NCAPG2: variants seen among roughly 807,000 people sequenced by gnomAD.
NCAPG2 encodes non-SMC condensin II complex subunit G2.
NCAPG2 carries 53 observed loss-of-function variants against 141.1 expected under a neutral mutation model. The ratio of observed to expected loss-of-function variants is 0.38; its 90% CI spans 0.30 to 0.47. The LOEUF is 0.47. NCAPG2 is among the 20% of genes least tolerant of loss of function. NCAPG2 has a pLI of 0.99. For synonymous variants in NCAPG2, 499 were observed against 490.7 expected (o/e 1.02, Z -0.22); for missense variants, 1,087 against 1,389.0 (o/e 0.78, Z 3.46).
At chr7:158,638,981 C>T (rs1018591496) in intron 27 of NCAPG2, among the ~76,000 whole-genome samples, 5 of 152,110 alleles carry the variant, frequency 3.3e-5, no homozygotes, top group African/African-American at 9.7e-5. Context: ...AGTATAAAAC[C>T]ACACACACTT....
chr7:158,658,224 G>T, intron 17 of NCAPG2, 114 bp downstream of exon 17: 1 of 887,974 alleles, frequency 1.1e-6, no homozygotes, highest in Non-Finnish European at 1.6e-6. Flanking sequence ...AGAAGGAAGA[G>T]GCCACAGTGA....
chr7:158,654,921 T>G, intron 21 of NCAPG2, 197 bp downstream of exon 21: 1 of 1,109,818 alleles, frequency 9.0e-7, no homozygotes, highest in Non-Finnish European at 1.2e-6. Flanking sequence ...ACCTCTTATA[T>G]GTAATGTATA....
At chr7:158,695,028 G>A (rs1010096772) in intron 2 of NCAPG2, among the ~76,000 whole-genome samples, 6 of 152,020 alleles carry the variant, frequency 3.9e-5, no homozygotes, top group Non-Finnish European at 5.9e-5. Flanking sequence ...AATTCTTTAC[G>A]CCTCAATTAT....
At position 158,680,089 on chromosome 7, in the gene NCAPG2, T is replaced by C. The variant is rs765122196; in HGVS notation, c.1021-4A>G. 2 of 1,612,938 alleles carry C rather than the reference T, an allele frequency of 1.2e-6. No homozygotes were observed. Among genetic ancestry groups the C allele is most frequent in the South Asian group, 1.1e-5 (1 of 90,878 alleles). ...ATCGAACTTCAGAGTTTCTGGCCTA[T>C]AATAATAAAAGAAGAGTATCTCAGA... On this transcript the variant is annotated splice_region_variant and splice_polypyrimidine_tract_variant and intron_variant, in intron 10 of 27. Coordinates refer to ENST00000356309, the MANE Select transcript of NCAPG2 (RefSeq NM_017760.7).
intron 2 of NCAPG2, among the ~76,000 whole-genome samples, chr7:158,698,481 T>C (rs989543760): frequency 3.3e-5 from 5 of 152,204 alleles, no homozygotes; most frequent in Non-Finnish European, 1.5e-5. Flanking sequence ...ACACACACCA[T>C]TGTGTTACAA....
chr7:158,631,882 G>A lies in NCAPG2; in HGVS notation c.3381-165C>T, dbSNP rs535469146. Among the ~76,000 whole-genome samples the A allele has an allele frequency of 2.0e-5, 3 of 152,256 alleles. No individual in the cohort carries two copies. The South Asian group carries it at 6.2e-4, about 32-fold the overall frequency. On this transcript the variant is annotated intron_variant, in intron 27 of 27. Transcript: ENST00000356309. Reference sequence around the variant, plus strand: ...ATTAATTGTTTCTTGTATGTAAAATGGAGTCAGAATCCCCACAGCAGTCAG... The same window carrying A: ...ATTAATTGTTTCTTGTATGTAAAATAGAGTCAGAATCCCCACAGCAGTCAG...
chr7:158,661,127 A>G (rs1268224446), intron 16 of NCAPG2, among the ~76,000 whole-genome samples: 1 of 152,164 alleles, frequency 6.6e-6, no homozygotes, highest in Non-Finnish European at 1.5e-5. Context: ...ATCTGCTTTC[A>G]CGTCAGAGGC....
intron 27 of NCAPG2, among the ~76,000 whole-genome samples, chr7:158,637,043 G>A (rs1830256952): frequency 6.6e-6 from 1 of 151,660 alleles, no homozygotes; most frequent in African/African-American, 2.4e-5. Flanking sequence ...CGCCTCCCGG[G>A]TTCATGCCAT....
chr7:158,646,490 C>T lies in NCAPG2; in HGVS notation c.3149G>A (p.Gly1050Glu). The T allele has an allele frequency of 6.3e-7, 1 of 1,596,868 alleles. No individual in the cohort carries two copies. Among genetic ancestry groups the T allele is most frequent in the Non-Finnish European group, 8.5e-7 (1 of 1,175,122 alleles). The stretch of plus-strand genomic sequence containing the variant: ...CACATTCGAAGACTTTATTATTATT[C>T]CTATTAAACACCTTGAAAATGGTGG... ...DLPPFSRCLI[G>E]IIIKSSNVVR... is the part of the protein sequence containing the mutation. The change falls in exon 25 of 28, where the codon GGA becomes GAA. Residue 1050 changes from glycine to glutamate, a missense_variant. Coordinates refer to ENST00000356309, the MANE Select transcript of NCAPG2 (RefSeq NM_017760.7).
rs556877293 is a variant in NCAPG2, at chr7:158,633,503, C to A, written c.3381-1786G>T. Among the ~76,000 whole-genome samples the A allele has an allele frequency of 1.3e-5, 2 of 152,180 alleles. No individual in the cohort carries two copies. Among genetic ancestry groups the A allele is most frequent in the Non-Finnish European group, 2.9e-5 (2 of 68,024 alleles). On this transcript the variant is annotated intron_variant, in intron 27 of 27. Coordinates refer to ENST00000356309, the MANE Select transcript of NCAPG2 (RefSeq NM_017760.7). The surrounding 1 kb of genome is among the most constrained non-coding windows in gnomAD (Gnocchi z 4.1). ...CAGCTATGTGGAGGCTGCCATGCAG[C>A]GACACAGGAGACTCTGGGTGCCCCA...
intron 1 of NCAPG2, chr7:158,703,611 C>A (rs1157703178): frequency 1.3e-5 from 2 of 152,270 alleles, no homozygotes; most frequent in Admixed American, 6.5e-5. Context: ...CTCAGCCCTG[C>A]AGCCAGAATG....
intron 5 of NCAPG2, among the ~76,000 whole-genome samples, 184 bp downstream of exon 5, chr7:158,690,384 C>T (rs969688876): frequency 4.6e-5 from 7 of 152,084 alleles, no homozygotes; most frequent in African/African-American, 7.2e-5. Flanking sequence ...GTTAGGAAGA[C>T]GTTTAAAAAT....
At chr7:158,658,297 G>A (rs779471485) in intron 17 of NCAPG2, 41 bp downstream of exon 17, 2 of 1,545,120 alleles carry the variant, frequency 1.3e-6, no homozygotes, top group South Asian at 2.4e-5. Context: ...CAATGGACAG[G>A]ATTCCTACTT....
chr7:158,659,907 C>T (rs1017324251), intron 16 of NCAPG2, among the ~76,000 whole-genome samples: 3 of 151,884 alleles, frequency 2.0e-5, no homozygotes, highest in Non-Finnish European at 4.4e-5. Flanking sequence ...GTCAGGAGAT[C>T]GAGACCACCC....
intron 8 of NCAPG2, among the ~76,000 whole-genome samples, chr7:158,685,293 C>T (rs1412281841): frequency 2.0e-5 from 3 of 152,082 alleles, no homozygotes; most frequent in Admixed American, 2.0e-4. Context: ...AATAATGTAA[C>T]TAAAAGAGGT....
At chr7:158,698,950 C>T (rs1490126397) in intron 2 of NCAPG2, among the ~76,000 whole-genome samples, 1 of 151,966 alleles carries the variant, frequency 6.6e-6, no homozygotes, top group Non-Finnish European at 1.5e-5. Flanking sequence ...TACACTAGGC[C>T]AATTTTTTAA....
At chr7:158,641,556 T>C in intron 27 of NCAPG2, 1 of 621,870 alleles carries the variant, frequency 1.6e-6, no homozygotes, top group Non-Finnish European at 2.8e-6. Context: ...TCCTCATATC[T>C]TGGAAAAAAA....
chr7:158,660,691 C>T (rs1018851394), intron 16 of NCAPG2, among the ~76,000 whole-genome samples: 1 of 152,186 alleles, frequency 6.6e-6, no homozygotes, highest in Non-Finnish European at 1.5e-5. Context: ...GCTGGGATTA[C>T]AGGTGTGAAC....
At chr7:158,647,330 G>A (rs544100289) in intron 24 of NCAPG2, among the ~76,000 whole-genome samples, 2 of 152,260 alleles carry the variant, frequency 1.3e-5, no homozygotes, top group Non-Finnish European at 2.9e-5. Flanking sequence ...CCTGGGGCAC[G>A]TTGCCCACCC....
Sources: allele counts gnomAD v4.1 joint callset (sites outside exome capture counted in the v4.1 genomes callset), GRCh38; gene constraint gnomAD v4.1.1; non-coding constraint Gnocchi (gnomAD v3.1); transcripts MANE v1.5; gene names NCBI Gene and HGNC (gene_info 2026-07-23, HGNC 2026-07-21).